Variants in CADPS2 observed in about 807,000 individuals in gnomAD.
The protein encoded by CADPS2 is calcium-dependent secretion activator 2.
In CADPS2, 93 loss-of-function variants were observed where a neutral mutation model predicts 172.5. The observed-to-expected ratio is 0.54, with a 90% CI of 0.46 to 0.64. The LOEUF is 0.64. CADPS2 is among the 30% of genes least tolerant of loss of function. The pLI, the probability that CADPS2 is intolerant of heterozygous loss-of-function variation, is 0.00. For missense variants in CADPS2, 1,420 were observed against 1,565.9 expected (o/e 0.91, Z 1.57); for synonymous variants, 546 against 555.2 (o/e 0.98, Z 0.23).
chr7:122,716,552 A>G (rs1026393368), intron 2 of CADPS2, among the ~76,000 whole-genome samples: 3 of 152,112 alleles, frequency 2.0e-5, no homozygotes, highest in African/African-American at 7.2e-5. Flanking sequence ...GCGGGGAGGG[A>G]TAGCATTAGG....
At chr7:122,562,874 A>G (rs1255902240) in intron 7 of CADPS2, among the ~76,000 whole-genome samples, 1 of 152,150 alleles carries the variant, frequency 6.6e-6, no homozygotes, top group Non-Finnish European at 1.5e-5. Flanking sequence ...TTCTTACAAT[A>G]AACTGAAAAA....
chr7:122,860,615 G>A (rs568602588), intron 1 of CADPS2, among the ~76,000 whole-genome samples: 22 of 151,968 alleles, frequency 1.4e-4, no homozygotes, highest in South Asian at 8.3e-4. Context: ...ATTTAAGAAA[G>A]AAAAAACAGG....
intron 1 of CADPS2, among the ~76,000 whole-genome samples, chr7:122,783,174 C>T (rs367931611): frequency 7.4e-6 from 1 of 134,358 alleles, no homozygotes; most frequent in African/African-American, 2.8e-5. Flanking sequence ...CGAGAGGCGA[C>T]AAAGCGAGAC....
At chr7:122,519,580 C>T (rs377312547) in intron 8 of CADPS2, among the ~76,000 whole-genome samples, 2 of 151,832 alleles carry the variant, frequency 1.3e-5, no homozygotes, top group East Asian at 1.9e-4. Flanking sequence ...TTATTTCAAA[C>T]GGAGAGCACT....
chr7:122,608,867 A>C (rs2073936778), intron 6 of CADPS2, among the ~76,000 whole-genome samples: 1 of 151,980 alleles, frequency 6.6e-6, no homozygotes, highest in African/African-American at 2.4e-5. Context: ...GTGGTACTGC[A>C]CTGGACACTT....
At chr7:122,330,273 G>C (rs2034692294) in intron 28 of CADPS2, among the ~76,000 whole-genome samples, 1 of 152,168 alleles carries the variant, frequency 6.6e-6, no homozygotes, top group South Asian at 2.1e-4. Context: ...AACAATATTT[G>C]TTAAATGAGG....
At chr7:122,463,181 A>G (rs1292528938) in intron 14 of CADPS2, among the ~76,000 whole-genome samples, 2 of 152,200 alleles carry the variant, frequency 1.3e-5, no homozygotes, top group Admixed American at 1.3e-4. Flanking sequence ...AACATTTATA[A>G]TATTTGACAC....
chr7:122,857,983 T>C (rs781301358), intron 1 of CADPS2, among the ~76,000 whole-genome samples: 4 of 152,068 alleles, frequency 2.6e-5, no homozygotes, highest in African/African-American at 9.7e-5. Context: ...GACTGAGCAG[T>C]AGCAACATTT....
chr7:122,587,863 T>G (rs1316909144), intron 6 of CADPS2, among the ~76,000 whole-genome samples: 1 of 152,168 alleles, frequency 6.6e-6, no homozygotes, highest in Non-Finnish European at 1.5e-5. Flanking sequence ...CTCTGCAACC[T>G]TGCTAACATC....
At chr7:122,553,896 C>G (rs1166687718) in intron 8 of CADPS2, among the ~76,000 whole-genome samples, 2 of 152,054 alleles carry the variant, frequency 1.3e-5, no homozygotes, top group Non-Finnish European at 2.9e-5. Context: ...CTGAGGAAGT[C>G]CTGGATTTTT....
chr7:122,562,247 T>C (rs1023239736), intron 7 of CADPS2, among the ~76,000 whole-genome samples: 8 of 152,128 alleles, frequency 5.3e-5, no homozygotes, highest in African/African-American at 1.7e-4. Context: ...GAAATTAAGA[T>C]TGCTAACTAG....
At chr7:122,411,877 C>T (rs966999451) in intron 19 of CADPS2, among the ~76,000 whole-genome samples, 7 of 152,110 alleles carry the variant, frequency 4.6e-5, no homozygotes, top group African/African-American at 1.7e-4. Flanking sequence ...TTACAACTTC[C>T]GTGATTCACT....
intron 24 of CADPS2, among the ~76,000 whole-genome samples, chr7:122,383,785 CTTAAAA>C (rs2043290091): frequency 6.6e-6 from 1 of 152,080 alleles, no homozygotes; most frequent in Admixed American, 6.6e-5. Flanking sequence ...TTCCAGCTTT[CTTAAAA>C]GATTTTGGAC....
intron 3 of CADPS2, among the ~76,000 whole-genome samples, chr7:122,647,443 G>A (rs2430049): frequency 0.74 from 111,864 of 152,008 alleles, 41,642 homozygotes; most frequent in Middle Eastern, 0.91. Flanking sequence ...AGGCAATGAA[G>A]TAGTTTTAGA....
At chr7:122,765,773 A>T (rs538777213) in intron 1 of CADPS2, among the ~76,000 whole-genome samples, 42 of 152,058 alleles carry the variant, frequency 2.8e-4, no homozygotes, top group Non-Finnish European at 5.1e-4. Context: ...CTATCTGGTA[A>T]TTTTTATCTC....
chr7:122,414,510 C>G (rs901110644), intron 18 of CADPS2, among the ~76,000 whole-genome samples: 2 of 152,114 alleles, frequency 1.3e-5, no homozygotes, highest in African/African-American at 2.4e-5. Flanking sequence ...TATTTTATCA[C>G]ATAATCACTT....
chr7:122,589,078 G>A (rs1403840985), intron 6 of CADPS2, among the ~76,000 whole-genome samples: 1 of 151,944 alleles, frequency 6.6e-6, no homozygotes, highest in African/African-American at 2.4e-5. Flanking sequence ...TTTCATTAAA[G>A]AAATCTGTAT....
chr7:122,606,632 C>T (rs1261183214), intron 6 of CADPS2, among the ~76,000 whole-genome samples: 1 of 152,024 alleles, frequency 6.6e-6, no homozygotes, highest in African/African-American at 2.4e-5. Context: ...GGCCAAGTGT[C>T]ATAGTCTGAG....
chr7:122,769,348 G>C (rs973623088), intron 1 of CADPS2, among the ~76,000 whole-genome samples: 9 of 152,166 alleles, frequency 5.9e-5, no homozygotes, highest in Non-Finnish European at 1.5e-5. Context: ...TCTTGGGAAA[G>C]CCATACATGG....
Sources: gnomAD v4.1 joint callset for allele counts (sites outside exome capture counted in the v4.1 genomes callset) on GRCh38, gnomAD v4.1.1 for gene constraint, MANE v1.5 for transcripts, NCBI Gene and HGNC (gene_info 2026-07-23, HGNC 2026-07-21) for gene names.